The following TRMT2B variants were observed in gnomAD, a reference collection of about 807,000 sequenced individuals.
The protein encoded by TRMT2B is tRNA methyltransferase 2B, also known as tRNA (uracil-5-)-methyltransferase homolog B.
Under a neutral mutation model 39.7 loss-of-function variants are expected in TRMT2B, and 34 were observed. The ratio of observed to expected loss-of-function variants is 0.86; its 90% CI spans 0.65 to 1.14. The LOEUF is 1.14. Ranked by LOEUF, TRMT2B falls within the 50% of genes most tolerant of loss-of-function variation. The pLI, the probability that TRMT2B is intolerant of heterozygous loss-of-function variation, is 0.00. For missense variants in TRMT2B, 318 were observed against 377.2 expected (o/e 0.84, Z 1.30); for synonymous variants, 132 against 137.3 (o/e 0.96, Z 0.27).
At chrX:100,978,044 C>T in the TRMT2B span, among the ~76,000 whole-genome samples, 1 of 112,133 alleles carries the variant, frequency 8.9e-6, no homozygotes, top group African/African-American at 3.2e-5. Flanking sequence ...TGCTGCATCA[C>T]ATGGTAGTTC....
the TRMT2B span, chrX:100,988,291 G>T: frequency 1.7e-6 from 2 of 1,206,266 alleles, no homozygotes; most frequent in South Asian, 3.6e-5. Flanking sequence ...CAGGTAAATG[G>T]CCCTTTAAAT....
chrX:100,973,787 T>G, the TRMT2B span: 2 of 1,156,357 alleles, frequency 1.7e-6, no homozygotes, highest in African/African-American at 3.5e-5. Flanking sequence ...ATTCCACTAT[T>G]TCCTCCCACA....
intron 4 of TRMT2B, among the ~76,000 whole-genome samples, chrX:101,038,535 A>G (rs140113455): frequency 9.0e-6 from 1 of 111,152 alleles, no homozygotes; most frequent in African/African-American, 3.3e-5. Context: ...CTAAAAAGGT[A>G]ATGAGGAAAG....
chrX:100,990,575 C>T, the TRMT2B span: 4 of 1,156,217 alleles, frequency 3.5e-6, no homozygotes, highest in Middle Eastern at 2.3e-4. Context: ...TCAAATCAAT[C>T]CTATACTCAC....
At chrX:101,001,886 T>G in the TRMT2B span, among the ~76,000 whole-genome samples, 1 of 107,997 alleles carries the variant, frequency 9.3e-6, no homozygotes, top group Non-Finnish European at 1.9e-5. Flanking sequence ...CAGACCACTG[T>G]CAACTCCAAT....
At chrX:101,033,489 G>A (rs971544902) in intron 7 of TRMT2B, among the ~76,000 whole-genome samples, 113 of 109,593 alleles carry the variant, frequency 1.0e-3, no homozygotes, top group Non-Finnish European at 1.9e-3. Context: ...CAGCTACCCA[G>A]GAGGCTGAGG....
chrX:100,988,095 C>T, the TRMT2B span: 1 of 661,575 alleles, frequency 1.5e-6, no homozygotes, highest in Admixed American at 3.2e-5. Context: ...TTTCATTGCC[C>T]AAAGGCATAT....
At chrX:101,029,498 A>G (rs769294985) in intron 7 of TRMT2B, among the ~76,000 whole-genome samples, 2 of 110,924 alleles carry the variant, frequency 1.8e-5, no homozygotes, top group Non-Finnish European at 3.8e-5. Flanking sequence ...TCCTTACTCT[A>G]TTTTTTCCCA....
chrX:100,987,611 T>C, the TRMT2B span: 1 of 1,167,129 alleles, frequency 8.6e-7, no homozygotes, highest in Non-Finnish European at 1.2e-6. Flanking sequence ...GGGATCAGTC[T>C]TTCTCACGAG....
intron 7 of TRMT2B, among the ~76,000 whole-genome samples, chrX:101,032,950 T>C (rs1247464434): frequency 1.8e-5 from 2 of 110,717 alleles, no homozygotes; most frequent in African/African-American, 3.3e-5. Context: ...ACAGATCTTA[T>C]AAAGCATTTG....
the TRMT2B span, among the ~76,000 whole-genome samples, chrX:100,998,036 C>T: frequency 9.9e-5 from 11 of 111,068 alleles, no homozygotes; most frequent in Non-Finnish European, 9.4e-5. Flanking sequence ...GGGCGGATCA[C>T]TTGAGGTCAG....
intron 5 of TRMT2B, 156 bp from the exon 6 acceptor site, chrX:101,037,229 G>A (rs1277836104): frequency 4.4e-6 from 2 of 451,689 alleles, no homozygotes; most frequent in African/African-American, 4.9e-5. Flanking sequence ...AGAAGATCAA[G>A]ACAGTCCATA....
chrX:101,045,311 G>C lies in TRMT2B; in HGVS notation c.-23-2999C>G, dbSNP rs866089295. 2.8e-5 allele frequency among the ~76,000 whole-genome samples: 3 copies of C among 105,531 alleles called. No individual in the cohort carries two copies. In the East Asian group the frequency reaches 9.1e-4, roughly 32 times the overall value. The allele number at this position is 105,531 out of a possible 115,157, so 91.6% of individuals were successfully genotyped here. The stretch of plus-strand genomic sequence containing the variant: ...CTCTACTAAAAATACAAAATTAGCC[G>C]CGCATGGTGGCACATGCCTGTAATC... On this transcript the variant is annotated intron_variant, in intron 2 of 13. Transcript: ENST00000372936.
rs957805636 is a variant in TRMT2B at position 101,009,363 on chromosome X, T to G, written c.*1218A>C. On this transcript the variant is annotated 3_prime_UTR_variant, in exon 14 of 14. Coordinates refer to ENST00000372936, the MANE Select transcript of TRMT2B (RefSeq NM_024917.6). ...TGTTAAATACAGTCAGTTTTCAATA[T>G]CCAGTTTATTATGTTATACTAGATT... 4.5e-5 allele frequency: 5 copies of G among 109,985 alleles called. No individual in the cohort carries two copies. Among genetic ancestry groups the G allele is most frequent in the African/African-American group, 1.7e-4 (5 of 30,269 alleles). 9.1% of individuals were successfully genotyped at this position (109,985 alleles called of 1,213,427 possible).
chrX:100,973,582 G>T, the TRMT2B span: 1 of 958,546 alleles, frequency 1.0e-6, no homozygotes, highest in Non-Finnish European at 1.5e-6. Flanking sequence ...CAGGCTTTCT[G>T]TTTATCAGCA....
the TRMT2B span, among the ~76,000 whole-genome samples, chrX:100,991,437 G>A: frequency 9.0e-6 from 1 of 110,775 alleles, no homozygotes; most frequent in Non-Finnish European, 1.9e-5. Context: ...GGAGTGCAGC[G>A]GCGTGATCTC....
intron 4 of TRMT2B, among the ~76,000 whole-genome samples, chrX:101,040,822 G>A (rs1268653503): frequency 1.8e-5 from 2 of 111,763 alleles, no homozygotes; most frequent in Non-Finnish European, 3.8e-5. Context: ...GGATCTATGG[G>A]TCTAGAGTGA....
chrX:101,031,251 A>G (rs1248111863), intron 7 of TRMT2B, among the ~76,000 whole-genome samples: 1 of 111,970 alleles, frequency 8.9e-6, no homozygotes, highest in Non-Finnish European at 1.9e-5. Context: ...CTAGGATTAC[A>G]GGCATGAGCC....
At chrX:100,979,152 T>C in the TRMT2B span, among the ~76,000 whole-genome samples, 1 of 112,119 alleles carries the variant, frequency 8.9e-6, no homozygotes, top group African/African-American at 3.2e-5. Flanking sequence ...TATGAGTAGT[T>C]TACATACCAC....
Sources: allele counts gnomAD v4.1 joint callset (sites outside exome capture counted in the v4.1 genomes callset), GRCh38; gene constraint gnomAD v4.1.1; transcripts MANE v1.5; gene names NCBI Gene and HGNC (gene_info 2026-07-23, HGNC 2026-07-21).